ARIH1: variants seen among roughly 807,000 people sequenced by gnomAD.
ARIH1 encodes ariadne RBR E3 ubiquitin protein ligase 1, also known as E3 ubiquitin-protein ligase ARIH1.
In ARIH1, 8 loss-of-function variants were observed where a neutral mutation model predicts 85.0. That is an observed-to-expected ratio of 0.09 (90% CI 0.06 to 0.17). The LOEUF (loss-of-function observed/expected upper bound fraction) is 0.17, where lower values mean the gene tolerates loss of function less well. ARIH1 is among the 10% of genes least tolerant of loss of function. The pLI, the probability that ARIH1 is intolerant of heterozygous loss-of-function variation, is 1.00. For missense variants in ARIH1, 311 were observed against 718.1 expected (o/e 0.43, Z 6.48); for synonymous variants, 238 against 253.6 (o/e 0.94, Z 0.59).
intron 2 of ARIH1, among the ~76,000 whole-genome samples, chr15:72,519,151 A>G (rs1044728052): frequency 1.3e-5 from 2 of 152,184 alleles, no homozygotes; most frequent in Admixed American, 6.5e-5. Flanking sequence ...TTCTAAATTT[A>G]ATAAAAAATT....
At chr15:72,510,736 CAAAAAAAAAAAA>C (rs57834481) in intron 1 of ARIH1, among the ~76,000 whole-genome samples, 31 of 26,722 alleles carry the variant, frequency 1.2e-3, no homozygotes, top group East Asian at 2.9e-3. Flanking sequence ...GACTCTGACT[CAAAAAAAAAAAA>C]AAAAAAAAAA....
At chr15:72,493,026 A>G (rs1369007280) in intron 1 of ARIH1, among the ~76,000 whole-genome samples, 2 of 151,904 alleles carry the variant, frequency 1.3e-5, no homozygotes, top group African/African-American at 2.4e-5. Flanking sequence ...ATCAAGTACT[A>G]CCTCCCTGGT....
intron 11 of ARIH1, among the ~76,000 whole-genome samples, chr15:72,574,212 A>G (rs1434945999): frequency 2.0e-5 from 3 of 152,190 alleles, no homozygotes; most frequent in African/African-American, 7.2e-5. Context: ...CCAGAGTCTA[A>G]TGTTTAGATT....
At chr15:72,475,630 CTT>C (rs2063791925) in intron 1 of ARIH1, among the ~76,000 whole-genome samples, 1 of 152,134 alleles carries the variant, frequency 6.6e-6, no homozygotes, top group Non-Finnish European at 1.5e-5. Context: ...TTTTTTATGT[CTT>C]TGCTGTTTGG....
At chr15:72,475,143 C>T (rs1329279510) in intron 1 of ARIH1, 129 bp downstream of exon 1, 2 of 1,427,436 alleles carry the variant, frequency 1.4e-6, no homozygotes, top group African/African-American at 1.5e-5. Context: ...GCCTTGTCTT[C>T]TCCGCTGCCT....
chr15:72,543,179 C>T (rs759915582), intron 2 of ARIH1, among the ~76,000 whole-genome samples: 5 of 152,018 alleles, frequency 3.3e-5, no homozygotes, highest in Non-Finnish European at 5.9e-5. Flanking sequence ...AAGTGATCCA[C>T]CCACCTCAGC....
In ARIH1 at chr15:72,588,510, A is replaced by G. The variant is rs2064327490; in HGVS notation, c.*5218A>G. 1 of 152,204 alleles carries G rather than the reference A, an allele frequency of 6.6e-6. No homozygotes were observed. The highest frequency in any genetic ancestry group is 1.5e-5 in the Non-Finnish European group (1 of 68,040). 9.4% of individuals were successfully genotyped at this position (152,204 alleles called of 1,614,324 possible). On this transcript the variant is annotated 3_prime_UTR_variant, in exon 14 of 14. Transcript: ENST00000379887. ...CCCCTAATTCCAGCCGGTGATTCTC[A>G]CATGCAGACTAGGTTGAGATCCTTG...
intron 2 of ARIH1, among the ~76,000 whole-genome samples, chr15:72,543,579 G>A (rs1225870957): frequency 1.3e-5 from 2 of 151,968 alleles, no homozygotes; most frequent in Non-Finnish European, 2.9e-5. Flanking sequence ...TTAGTCTTAG[G>A]AGAAGTGATA....
intron 1 of ARIH1, among the ~76,000 whole-genome samples, chr15:72,498,682 A>G (rs568978553): frequency 1.1e-3 from 169 of 152,062 alleles, no homozygotes; most frequent in Non-Finnish European, 2.1e-3. Context: ...CGTCTCTACT[A>G]AAAATACATT....
At chr15:72,519,564 A>G (rs1395446788) in intron 2 of ARIH1, among the ~76,000 whole-genome samples, 1 of 131,694 alleles carries the variant, frequency 7.6e-6, no homozygotes, top group Non-Finnish European at 1.6e-5. Flanking sequence ...GCTCACTGCA[A>G]CCTCCACCTC....
At chr15:72,567,626 C>T (rs1255344084) in intron 9 of ARIH1, among the ~76,000 whole-genome samples, 3 of 152,210 alleles carry the variant, frequency 2.0e-5, no homozygotes, top group Admixed American at 2.0e-4. Context: ...TCAAAATTCA[C>T]TTTCTTAACC....
At chr15:72,482,839 CT>C (rs34753101) in intron 1 of ARIH1, among the ~76,000 whole-genome samples, 104 of 132,156 alleles carry the variant, frequency 7.9e-4, no homozygotes, top group Middle Eastern at 3.8e-3. Context: ...CTCTCTCTCT[CT>C]TTTTTTTTTT....
At chr15:72,504,580 T>G (rs1193357254) in intron 1 of ARIH1, among the ~76,000 whole-genome samples, 2 of 152,028 alleles carry the variant, frequency 1.3e-5, no homozygotes, top group Non-Finnish European at 2.9e-5. Flanking sequence ...CTCTCTCCAG[T>G]CAAGCCGCTT....
At position 72,570,563 on chromosome 15, in the gene ARIH1, G is replaced by A. The variant is rs563452164; in HGVS notation, c.1157+256G>A. Among the ~76,000 whole-genome samples, 4 of 152,228 alleles carry A rather than the reference G, an allele frequency of 2.6e-5. No individual in the cohort carries two copies. The South Asian group carries it at 8.3e-4, about 32-fold the overall frequency. Reference sequence around the variant, plus strand: ...TAAAAGTAGTAGGAAAAACATTTAGGGCAAAAGTTGCAACATGAGCAAAGG... The same window carrying A: ...TAAAAGTAGTAGGAAAAACATTTAGAGCAAAAGTTGCAACATGAGCAAAGG... On this transcript the variant is annotated intron_variant, in intron 10 of 13. Coordinates refer to ENST00000379887, the MANE Select transcript of ARIH1 (RefSeq NM_005744.5).
chr15:72,534,014 G>C (rs182117707), intron 2 of ARIH1, among the ~76,000 whole-genome samples: 140 of 152,156 alleles, frequency 9.2e-4, no homozygotes, highest in African/African-American at 3.1e-3. Flanking sequence ...AGATAATTAT[G>C]GTATATTGAC....
chr15:72,576,066 G>GAA (rs1367399521), intron 11 of ARIH1, among the ~76,000 whole-genome samples: 1 of 152,122 alleles, frequency 6.6e-6, no homozygotes, highest in African/African-American at 2.4e-5. Context: ...GGATCATGTG[G>GAA]TTAGCTAATT....
At chr15:72,480,386 C>G (rs1290186554) in intron 1 of ARIH1, among the ~76,000 whole-genome samples, 2 of 149,630 alleles carry the variant, frequency 1.3e-5, no homozygotes, top group African/African-American at 2.5e-5. Context: ...TTCAGCCTCT[C>G]AAGTAACTGG....
chr15:72,532,660 C>T (rs759387714), intron 2 of ARIH1, among the ~76,000 whole-genome samples: 3 of 152,120 alleles, frequency 2.0e-5, no homozygotes, highest in South Asian at 4.1e-4. Context: ...CACACACGCA[C>T]GCACACAAAA....
intron 1 of ARIH1, among the ~76,000 whole-genome samples, chr15:72,493,021 G>A (rs1444943062): frequency 6.6e-6 from 1 of 152,072 alleles, no homozygotes; most frequent in African/African-American, 2.4e-5. Flanking sequence ...CACATATCAA[G>A]TACTACCTCC....
Sources: gnomAD v4.1 joint callset for allele counts (sites outside exome capture counted in the v4.1 genomes callset) on GRCh38, gnomAD v4.1.1 for gene constraint, MANE v1.5 for transcripts, NCBI Gene and HGNC (gene_info 2026-07-23, HGNC 2026-07-21) for gene names.